PHF2: variants seen among roughly 807,000 people sequenced by gnomAD.
The protein encoded by PHF2 is PHD finger protein 2, also known as lysine-specific demethylase PHF2.
Under a neutral mutation model 120.5 loss-of-function variants are expected in PHF2, and 27 were observed. That is an observed-to-expected ratio of 0.22 (90% confidence interval 0.17 to 0.31). The LOEUF (loss-of-function observed/expected upper bound fraction) is 0.31, where lower values mean the gene tolerates loss of function less well. Ranked by LOEUF, PHF2 falls within the 10% of genes least tolerant of loss-of-function variation. The pLI is 1.00. For synonymous variants in PHF2, 568 were observed against 592.5 expected (o/e 0.96, Z 0.60); for missense variants, 1,024 against 1,434.8 (o/e 0.71, Z 4.63).
chr9:93,665,947 C>A (rs753215661), intron 15 of PHF2, 43 bp from the exon 16 acceptor site: 4 of 1,612,040 alleles, frequency 2.5e-6, no homozygotes, highest in Non-Finnish European at 3.4e-6. Context: ...TGGCTGGCTC[C>A]CCGCAAGGCC....
At chr9:93,643,167 A>G (rs1193043997) in intron 3 of PHF2, among the ~76,000 whole-genome samples, 1 of 151,908 alleles carries the variant, frequency 6.6e-6, no homozygotes, top group Non-Finnish European at 1.5e-5. Flanking sequence ...TGGGACTAGT[A>G]TGTCCTTGGC....
At chr9:93,616,209 C>T (rs1246402662) in intron 1 of PHF2, among the ~76,000 whole-genome samples, 1 of 152,168 alleles carries the variant, frequency 6.6e-6, no homozygotes, top group Non-Finnish European at 1.5e-5. Context: ...TGTGTTGTTC[C>T]TAATTTTTGC....
chr9:93,661,560 T>C (rs1437434285), intron 12 of PHF2, among the ~76,000 whole-genome samples: 2 of 152,058 alleles, frequency 1.3e-5, no homozygotes, highest in African/African-American at 4.8e-5. Flanking sequence ...CATGAACGAA[T>C]TGATGGATGG....
At chr9:93,597,894 CCCT>C (rs892754313) in intron 1 of PHF2, among the ~76,000 whole-genome samples, 1 of 152,136 alleles carries the variant, frequency 6.6e-6, no homozygotes, top group Non-Finnish European at 1.5e-5. Context: ...ATTTCCAAAT[CCCT>C]CCTCCTCCCC....
intron 3 of PHF2, among the ~76,000 whole-genome samples, chr9:93,641,793 A>G (rs533841002): frequency 1.1e-4 from 16 of 152,344 alleles, no homozygotes; most frequent in African/African-American, 3.8e-4. Context: ...AGTGAAGTCT[A>G]ACTTACCTCT....
Position 93,660,393 on chromosome 9 carries a change from C to T in PHF2, c.1531C>T (p.Pro511Ser), listed in dbSNP as rs1301508413. The change falls in exon 12 of 22, where the codon CCC (proline) becomes TCC (serine). Residue 511 changes from proline (P) to serine (S), a missense_variant. Transcript: ENST00000359246. ...ATCCAAAATCCCCAAGCCCCCGAAG[C>T]CCCCTAAGCCCCCAAGGCCCCCCAA... ...KPSKIPKPPK[P>S]PKPPRPPKTL... 11 of 1,501,394 alleles carry T rather than the reference C, an allele frequency of 7.3e-6. No homozygotes were observed. In the Admixed American group the frequency reaches 8.9e-5, roughly 12 times the overall value. The allele number at this position is 1,501,394 out of a possible 1,614,324, so 93.0% of individuals were successfully genotyped here. A position where few individuals can be genotyped will look rare whatever the true frequency, so the allele number is the denominator to read the frequency against.
At position 93,630,062 on chromosome 9, in the gene PHF2, A is replaced by T; in HGVS notation, c.184+7A>T. ...ACCCATGGGAAGTCCACCTGTAAGT[A>T]CCGCAGCCCAAGCGGCCATCTCTTG... On this transcript the variant is annotated splice_region_variant and intron_variant, in intron 2 of 21. Transcript: ENST00000359246. The T allele has an allele frequency of 1.2e-6, 2 of 1,612,408 alleles. No homozygotes were observed. The highest frequency in any genetic ancestry group is 1.7e-6 in the Non-Finnish European group (2 of 1,179,718).
At chr9:93,593,098 A>G (rs868487360) in intron 1 of PHF2, among the ~76,000 whole-genome samples, 7 of 87,870 alleles carry the variant, frequency 8.0e-5, no homozygotes, top group South Asian at 4.8e-4. Context: ...AAAAAAAAAA[A>G]AAAAAAAAAA....
At chr9:93,616,920 TA>T (rs1214165899) in intron 1 of PHF2, among the ~76,000 whole-genome samples, 1 of 152,194 alleles carries the variant, frequency 6.6e-6, no homozygotes, top group Non-Finnish European at 1.5e-5. Context: ...CCTCCCAAAG[TA>T]CTGGGATTAC....
chr9:93,659,480 G>T, intron 10 of PHF2, 31 bp from the exon 11 acceptor site: 1 of 1,591,546 alleles, frequency 6.3e-7, no homozygotes, highest in Non-Finnish European at 8.6e-7. Context: ...GGAGGTGTCT[G>T]GTGCTGACCC....
rs1826930552 is a variant in PHF2, at chr9:93,677,016, T to C, written c.3202+53T>C. 2.1e-6 allele frequency: 3 copies of C among 1,457,772 alleles called. No individual in the cohort carries two copies. The highest frequency in any genetic ancestry group is 2.7e-6 in the Non-Finnish European group (3 of 1,095,658). 90.3% of individuals were successfully genotyped at this position (1,457,772 alleles called of 1,614,324 possible). A position where few individuals can be genotyped will look rare whatever the true frequency, so the allele number is the denominator to read the frequency against. ...AGCCCCCCTGCCCTGCCTGCCCCCA[T>C]GGGCAGCCCCAGACATGCAGACTCG... On this transcript the variant is annotated intron_variant, in intron 21 of 21. Transcript: ENST00000359246. This position sits in a 1 kb window ranked among gnomAD's most constrained non-coding sequence, Gnocchi z 4.4.
chr9:93,627,695 G>A (rs1241887642), intron 1 of PHF2, among the ~76,000 whole-genome samples: 2 of 152,046 alleles, frequency 1.3e-5, no homozygotes, highest in Non-Finnish European at 2.9e-5. Flanking sequence ...TTCCTAGTTT[G>A]TAGAGTATTT....
At chr9:93,578,249 G>A (rs929850119) in intron 1 of PHF2, among the ~76,000 whole-genome samples, 1 of 152,144 alleles carries the variant, frequency 6.6e-6, no homozygotes, top group African/African-American at 2.4e-5. Context: ...GGATGCCCAC[G>A]GAAATCTGGG....
Position 93,662,809 on chromosome 9 carries a change from A to C in PHF2, c.1699-98A>C, listed in dbSNP as rs1826601618. 1.1e-5 allele frequency: 16 copies of C among 1,457,526 alleles called. No homozygotes were observed. In the Admixed American group the frequency reaches 2.0e-4, roughly 18 times the overall value. 90.3% of individuals were successfully genotyped at this position (1,457,526 alleles called of 1,614,324 possible). On this transcript the variant is annotated intron_variant, in intron 12 of 21. Coordinates refer to ENST00000359246, the MANE Select transcript of PHF2 (RefSeq NM_005392.4). The stretch of plus-strand genomic sequence containing the variant: ...GTAGATGGATGGAGGCTTGAGCTGC[A>C]AGCACATGGGCCAGAAGAAGACAGG...
At chr9:93,641,636 C>A (rs973305605) in intron 3 of PHF2, among the ~76,000 whole-genome samples, 2 of 152,200 alleles carry the variant, frequency 1.3e-5, no homozygotes, top group African/African-American at 4.8e-5. Flanking sequence ...ACCTTAAATT[C>A]ATTGGGTTAT....
At chr9:93,580,645 T>C (rs1306751546) in intron 1 of PHF2, among the ~76,000 whole-genome samples, 1 of 152,244 alleles carries the variant, frequency 6.6e-6, no homozygotes, top group African/African-American at 2.4e-5. Context: ...GCTTGTTCTA[T>C]TGGACTGGAA....
chr9:93,654,645 C>T (rs79570451), intron 7 of PHF2, 70 bp downstream of exon 7: 1 of 1,451,702 alleles, frequency 6.9e-7, no homozygotes, highest in Non-Finnish European at 9.6e-7. Context: ...CTGCCCTGTC[C>T]CTTGGACCGT....
chr9:93,599,483 T>C (rs1436563001), intron 1 of PHF2, among the ~76,000 whole-genome samples: 1 of 152,128 alleles, frequency 6.6e-6, no homozygotes, highest in Non-Finnish European at 1.5e-5. Flanking sequence ...GCAGAGGTGG[T>C]GCGAGGAGAT....
chr9:93,626,759 G>T (rs1351413581), intron 1 of PHF2, among the ~76,000 whole-genome samples: 1 of 152,126 alleles, frequency 6.6e-6, no homozygotes, highest in African/African-American at 2.4e-5. Context: ...TTTTGTATGT[G>T]GTGTGAGGTA....
Sources: gnomAD v4.1 joint callset for allele counts (sites outside exome capture counted in the v4.1 genomes callset) on GRCh38, gnomAD v4.1.1 for gene constraint, Gnocchi (gnomAD v3.1) non-coding constraint, MANE v1.5 for transcripts, NCBI Gene and HGNC (gene_info 2026-07-23, HGNC 2026-07-21) for gene names.